MXRA7: variants seen among roughly 807,000 people sequenced by gnomAD.
MXRA7 encodes matrix-remodeling-associated protein 7.
Under a neutral mutation model 17.4 loss-of-function variants are expected in MXRA7, and 18 were observed. The ratio of observed to expected loss-of-function variants is 1.03; its 90% CI spans 0.71 to 1.53. The LOEUF (loss-of-function observed/expected upper bound fraction) is 1.53, where lower values mean the gene tolerates loss of function less well. MXRA7 is among the 40% of genes most tolerant of loss of function. The pLI is 0.00. For synonymous variants in MXRA7, 70 were observed against 101.7 expected (o/e 0.69, Z 1.87); for missense variants, 141 against 209.3 (o/e 0.67, Z 2.01).
chr17:76,677,520 GAAC>G, downstream of MXRA7: 1 of 1,118,518 alleles, frequency 8.9e-7, no homozygotes, highest in Non-Finnish European at 1.3e-6. Flanking sequence ...AGTCTGGAAA[GAAC>G]AAGGGCATGG....
chr17:76,685,252 A>G, intron 2 of MXRA7, 87 bp from the exon 3 acceptor site: 1 of 946,640 alleles, frequency 1.1e-6, no homozygotes, highest in Non-Finnish European at 1.7e-6. Flanking sequence ...GTTTAAAAAG[A>G]AACACCTCAA....
At chr17:76,708,386 C>T (rs2076684689) in intron 1 of MXRA7, among the ~76,000 whole-genome samples, 1 of 152,162 alleles carries the variant, frequency 6.6e-6, no homozygotes, top group Non-Finnish European at 1.5e-5. Context: ...TTGCCCTCCT[C>T]CCTCGCTGTT....
intron 1 of MXRA7, among the ~76,000 whole-genome samples, chr17:76,701,304 G>A (rs1005644): frequency 0.1 from 15,712 of 151,836 alleles, 1,138 homozygotes; most frequent in East Asian, 0.32. Flanking sequence ...GGGCGTGAGG[G>A]AGGCGGGGAC....
At chr17:76,699,480 C>T (rs1000340616) in intron 1 of MXRA7, among the ~76,000 whole-genome samples, 1 of 152,152 alleles carries the variant, frequency 6.6e-6, no homozygotes, top group Non-Finnish European at 1.5e-5. Flanking sequence ...CAAATGCCAA[C>T]TTCATAATGT....
At chr17:76,685,194 G>A in intron 2 of MXRA7, 29 bp from the exon 3 acceptor site, 2 of 1,575,074 alleles carry the variant, frequency 1.3e-6, no homozygotes, top group Non-Finnish European at 1.7e-6. Context: ...GTAAGTGCCA[G>A]GAGTGCTGTA....
At chr17:76,705,384 T>G (rs886968575) in intron 1 of MXRA7, among the ~76,000 whole-genome samples, 4 of 152,256 alleles carry the variant, frequency 2.6e-5, no homozygotes, top group Non-Finnish European at 4.4e-5. Flanking sequence ...GTTATAGTTA[T>G]TGTGAATACA....
At chr17:76,710,477 G>A in intron 1 of MXRA7, 128 bp downstream of exon 1, 1 of 760,402 alleles carries the variant, frequency 1.3e-6, no homozygotes, top group Non-Finnish European at 1.8e-6. Context: ...TGCGGGCCGC[G>A]GGTTCTGCGC....
chr17:76,684,077 G>T, intron 3 of MXRA7: 2 of 711,178 alleles, frequency 2.8e-6, no homozygotes, highest in East Asian at 2.6e-5. Context: ...TCCTGCTGAG[G>T]GTCGAGAGCG....
intron 1 of MXRA7, among the ~76,000 whole-genome samples, chr17:76,703,080 G>A (rs1295668111): frequency 1.3e-5 from 2 of 151,092 alleles, no homozygotes; most frequent in Non-Finnish European, 1.5e-5. Context: ...CCACTGCACT[G>A]CAGCTTGGGT....
chr17:76,704,476 T>A (rs12946029), intron 1 of MXRA7, among the ~76,000 whole-genome samples: 63,976 of 146,376 alleles, frequency 0.44, 14,091 homozygotes, highest in Non-Finnish European at 0.46. Context: ...AAGTGCTAGG[T>A]TTACAGTCGT....
chr17:76,673,590 G>A (rs2076218295), exon 4 of MXRA7: 1 of 152,128 alleles, frequency 6.6e-6, no homozygotes, highest in South Asian at 2.1e-4. Flanking sequence ...GATCAACTTG[G>A]GCTTTCTATC....
chr17:76,684,410 C>A (rs1235661804), intron 3 of MXRA7, among the ~76,000 whole-genome samples: 1 of 152,136 alleles, frequency 6.6e-6, no homozygotes, highest in African/African-American at 2.4e-5. Flanking sequence ...GCCTGCTGCG[C>A]CTGGTGCAAA....
intron 1 of MXRA7, among the ~76,000 whole-genome samples, chr17:76,699,259 C>A (rs1392357299): frequency 1.3e-5 from 2 of 152,186 alleles, no homozygotes; most frequent in South Asian, 2.1e-4. Context: ...AACCCTCCCC[C>A]CTCAGCCTCC....
At chr17:76,706,233 GTCACAGAGGCCCACTCTGCCA>G (rs2076655534) in intron 1 of MXRA7, among the ~76,000 whole-genome samples, 2 of 79,400 alleles carry the variant, frequency 2.5e-5, no homozygotes, top group African/African-American at 1.1e-4. Flanking sequence ...CCACTCTGCC[GTCACAGAGGCCCACTCTGCCA>G]TCACAGAGGC....
intron 1 of MXRA7, among the ~76,000 whole-genome samples, chr17:76,702,954 T>A (rs539995499): frequency 2.4e-5 from 3 of 124,258 alleles, no homozygotes; most frequent in Admixed American, 1.7e-4. Context: ...GACTATGGAG[T>A]AGGGTTTCCT....
chr17:76,690,567 G>A (rs554293568), intron 1 of MXRA7, among the ~76,000 whole-genome samples: 2 of 152,050 alleles, frequency 1.3e-5, no homozygotes, highest in East Asian at 3.9e-4. Flanking sequence ...AAAATTAGCT[G>A]TGCATGGTGG....
At chr17:76,704,778 T>C (rs2076637435) in intron 1 of MXRA7, among the ~76,000 whole-genome samples, 1 of 89,174 alleles carries the variant, frequency 1.1e-5, no homozygotes, top group East Asian at 3.3e-4. Context: ...CAAAACTCCG[T>C]CTCAAAAAAA....
intron 2 of MXRA7, among the ~76,000 whole-genome samples, chr17:76,687,690 C>T (rs968990529): frequency 2.6e-5 from 4 of 152,222 alleles, no homozygotes; most frequent in Non-Finnish European, 2.9e-5. Flanking sequence ...AGAAAGCAGG[C>T]GTGTGCCCTC....
chr17:76,686,678 C>T (rs552776081), intron 2 of MXRA7, among the ~76,000 whole-genome samples: 1 of 152,178 alleles, frequency 6.6e-6, no homozygotes, highest in Non-Finnish European at 1.5e-5. Flanking sequence ...AACGTGACAG[C>T]CTCCGAGGGA....
Sources: allele counts gnomAD v4.1 joint callset (sites outside exome capture counted in the v4.1 genomes callset), GRCh38; gene constraint gnomAD v4.1.1; transcripts MANE v1.5; gene names NCBI Gene and HGNC (gene_info 2026-07-23, HGNC 2026-07-21).